Variants in ZNF507 observed in about 807,000 individuals in gnomAD.
ZNF507 encodes the protein zinc finger protein 507.
A neutral mutation model predicts 80.0 loss-of-function variants in ZNF507; 29 were observed. The ratio of observed to expected loss-of-function variants is 0.36; its 90% CI spans 0.27 to 0.49. ZNF507 has a LOEUF of 0.49. ZNF507 is among the 20% of genes least tolerant of loss of function. The pLI, the probability that ZNF507 is intolerant of heterozygous loss-of-function variation, is 0.98. For synonymous variants in ZNF507, 462 were observed against 422.5 expected, an observed-to-expected ratio of 1.09 and a Z score of -1.15; for missense variants, 1,081 against 1,152.2, an observed-to-expected ratio of 0.94 and a Z score of 0.90.
intron 1 of ZNF507, among the ~76,000 whole-genome samples, chr19:32,346,075 C>T (rs1436004412): frequency 1.3e-5 from 2 of 152,358 alleles, no homozygotes; most frequent in East Asian, 1.9e-4. Flanking sequence ...GGCGTTGCTT[C>T]TTTCTGCAAA....
rs201355263 is a variant in ZNF507, at chr19:32,354,149, A to C, written c.1319A>C (p.Asp440Ala). 1.2e-6 allele frequency: 2 copies of C among 1,613,208 alleles called. No individual in the cohort carries two copies. Among genetic ancestry groups the C allele is most frequent in the Non-Finnish European group, 1.7e-6 (2 of 1,180,024 alleles). ...CAGATTGGGCGCGAAGGAATGGATGATGTTTATCGTGCTGATAAATGTACT... is the reference window on the plus strand; with the variant it reads ...CAGATTGGGCGCGAAGGAATGGATGCTGTTTATCGTGCTGATAAATGTACT... ...EAQIGREGMDDVYRADKCTVD... is the reference protein window; with the variant it reads ...EAQIGREGMDAVYRADKCTVD... Residue 440 changes from aspartate (D) to alanine (A), a missense_variant, in exon 3 of 7, where the codon GAT (aspartate) becomes GCT (alanine). Around this residue, in one of 6 missense-constraint regions of ZNF507, gnomAD observed 614 missense variants for 583.9 expected, o/e 1.05. Coordinates refer to ENST00000355898, the MANE Select transcript of ZNF507 (RefSeq NM_001136156.2).
chr19:32,359,580 T>A (rs1211302188), intron 4 of ZNF507: 3 of 152,204 alleles, frequency 2.0e-5, no homozygotes, highest in Non-Finnish European at 4.4e-5. Context: ...AGAAATCGTT[T>A]TATATGATCA....
chr19:32,353,455 G>T lies in ZNF507; in HGVS notation c.625G>T (p.Glu209Ter). Reference sequence around the variant, plus strand: ...GTGTCGGAAAACCACAGAAAGAAATGAAACCATTCCAGATATCCCAGTAAG... The same window carrying T: ...GTGTCGGAAAACCACAGAAAGAAATTAAACCATTCCAGATATCCCAGTAAG... The part of the protein sequence containing the change: ...SLCRKTTERN[E>*]TIPDIPVSVD... Residue 209 changes from glutamate to a stop codon, truncating the protein, a stop_gained, in exon 3 of 7, where the codon GAA becomes TAA. Coordinates refer to ENST00000355898, the MANE Select transcript of ZNF507 (RefSeq NM_001136156.2). LOFTEE classifies it high-confidence loss of function. 6.2e-7 allele frequency: 1 copy of T among 1,614,194 alleles called. No individual in the cohort carries two copies. Among genetic ancestry groups the T allele is most frequent in the South Asian group, 1.1e-5 (1 of 91,084 alleles).
At position 32,386,103 on chromosome 19, in the gene ZNF507, G is replaced by A. The variant is rs908764000; in HGVS notation, c.*3020G>A. The A allele has an allele frequency of 2.6e-5, 4 of 152,120 alleles. No individual in the cohort carries two copies. The highest frequency in any genetic ancestry group is 5.9e-5 in the Non-Finnish European group (4 of 68,008). 9.4% of individuals were successfully genotyped at this position (152,120 alleles called of 1,614,324 possible). ...TCCAGAATATGGCGGGTGTCCCAGT[G>A]TTCAACAGTATCATGCTAATATTCC... On this transcript the variant is annotated 3_prime_UTR_variant, in exon 7 of 7. Coordinates refer to ENST00000355898, the MANE Select transcript of ZNF507 (RefSeq NM_001136156.2).
At chr19:32,382,631 CTA>C (rs760028032) in intron 6 of ZNF507, 30 bp downstream of exon 6, 20 of 1,613,406 alleles carry the variant, frequency 1.2e-5, no homozygotes, top group Non-Finnish European at 1.6e-5. Context: ...CCCTTTATTG[CTA>C]TATGTAAATT....
Position 32,353,958 on chromosome 19 carries a change from C to T in ZNF507, c.1128C>T (p.Ser376=). ...SDAEENLIPD[S]LLTSAQKIIS... ...CAGAGGAGAATCTGATTCCTGATAG[C>T]CTGCTTACATCAGCACAGAAAATCA... Residue 376 remains serine, a synonymous_variant, in exon 3 of 7, where the codon AGC becomes AGT. Transcript: ENST00000355898. The T allele has an allele frequency of 6.2e-7, 1 of 1,614,120 alleles. No individual in the cohort carries two copies. The highest frequency in any genetic ancestry group is 1.1e-5 in the South Asian group (1 of 91,080).
intron 5 of ZNF507, among the ~76,000 whole-genome samples, chr19:32,365,294 T>C (rs1357399472): frequency 6.6e-6 from 1 of 152,224 alleles, no homozygotes; most frequent in African/African-American, 2.4e-5. Flanking sequence ...CTGGGTTGTC[T>C]GTGTACTCTG....
At chr19:32,376,277 A>G (rs1292755007) in intron 5 of ZNF507, among the ~76,000 whole-genome samples, 1 of 151,950 alleles carries the variant, frequency 6.6e-6, no homozygotes, top group African/African-American at 2.4e-5. Context: ...TTTTTTTCCT[A>G]TATATTTCTA....
rs1278397128 is a variant in ZNF507, at chr19:32,354,000, TAAA to T, written c.1174_1176del (p.Lys392del). 1 of 1,613,948 alleles carries T rather than the reference TAAA, an allele frequency of 6.2e-7. No homozygotes were observed. ...AGAAAATCATCAGCAGCAGCCCCAA[TAAA>T]AAAGGGCATGTTAACGTGATAGTGG... On this transcript the variant is annotated inframe_deletion, in exon 3 of 7. Coordinates refer to ENST00000355898, the MANE Select transcript of ZNF507 (RefSeq NM_001136156.2).
Position 32,387,521 on chromosome 19 carries a change from C to G in ZNF507, c.*4438C>G, listed in dbSNP as rs1967704898. On this transcript the variant is annotated 3_prime_UTR_variant, in exon 7 of 7. Coordinates refer to ENST00000355898, the MANE Select transcript of ZNF507 (RefSeq NM_001136156.2). ...GCATGGAAGCTCTAGAACGTATGGT[C>G]CAGTGTGGCAGCCACTATAATATCT... The G allele has an allele frequency of 6.6e-6, 1 of 152,154 alleles. No homozygotes were observed. Among genetic ancestry groups the G allele is most frequent in the Non-Finnish European group, 1.5e-5 (1 of 68,040 alleles). 9.4% of individuals were successfully genotyped at this position (152,154 alleles called of 1,614,324 possible).
At chr19:32,360,945 G>C (rs1967314554) in intron 5 of ZNF507, among the ~76,000 whole-genome samples, 1 of 152,124 alleles carries the variant, frequency 6.6e-6, no homozygotes, top group South Asian at 2.1e-4. Flanking sequence ...CTGGTATTAT[G>C]TCTTGTTTGA....
chr19:32,375,579 G>GA (rs1967535947), intron 5 of ZNF507, among the ~76,000 whole-genome samples: 1 of 152,190 alleles, frequency 6.6e-6, no homozygotes, highest in South Asian at 2.1e-4. Flanking sequence ...AACCAAATAT[G>GA]AAATGTAGAT....
rs987117203 is a variant in ZNF507 at position 32,385,827 on chromosome 19, C to CA, written c.*2754dup. 6 of 148,464 alleles carry CA rather than the reference C, an allele frequency of 4.0e-5. No homozygotes were observed. The highest frequency in any genetic ancestry group is 6.0e-5 in the Non-Finnish European group (4 of 66,874). 9.2% of individuals were successfully genotyped at this position (148,464 alleles called of 1,614,324 possible). ...GAGGTCCTCTGTTTACCTCCCCCCC[C>CA]AAAAAAAAAATTCAGTAGGAATTCC... On this transcript the variant is annotated 3_prime_UTR_variant, in exon 7 of 7. Transcript: ENST00000355898.
Position 32,353,178 on chromosome 19 carries a change from C to G in ZNF507, c.348C>G (p.Ala116=). The G allele has an allele frequency of 6.2e-7, 1 of 1,614,124 alleles. No individual in the cohort carries two copies. Among genetic ancestry groups the G allele is most frequent in the Non-Finnish European group, 8.5e-7 (1 of 1,180,026 alleles). The change falls in exon 3 of 7, where the codon GCC becomes GCG. Residue 116 remains alanine (A), a synonymous_variant. Transcript: ENST00000355898. ...SQTNFTPDTL[A]QNEGKAMSYQ... ...CAAATTTTACCCCTGACACTCTTGC[C>G]CAGAATGAAGGGAAGGCTATGTCTT...
At position 32,352,821 on chromosome 19, in the gene ZNF507, C is replaced by G. The variant is rs777777496; in HGVS notation, c.-2-8C>G. 1 of 1,553,572 alleles carries G rather than the reference C, an allele frequency of 6.4e-7. No homozygotes were observed. On this transcript the variant is annotated splice_polypyrimidine_tract_variant and splice_region_variant and intron_variant, in intron 2 of 6. Transcript: ENST00000355898. The stretch of plus-strand genomic sequence containing the variant: ...TGGTATTTTTCTGTTTTACATTATC[C>G]TTTTTAGATATGGAAGAAAGTAGCA...
chr19:32,367,629 AC>A (rs1203282258), intron 5 of ZNF507, among the ~76,000 whole-genome samples: 2 of 152,220 alleles, frequency 1.3e-5, no homozygotes, highest in Non-Finnish European at 2.9e-5. Context: ...AGTAAGGTAG[AC>A]GATGATACAG....
intron 2 of ZNF507, among the ~76,000 whole-genome samples, chr19:32,351,395 C>T (rs928415182): frequency 1.4e-5 from 2 of 141,106 alleles, no homozygotes; most frequent in East Asian, 2.1e-4. Flanking sequence ...GAGTTGTGGG[C>T]GACCTGGCAC....
Position 32,354,108 on chromosome 19 carries a change from G to C in ZNF507, c.1278G>C (p.Leu426=). The C allele has an allele frequency of 6.2e-7, 1 of 1,613,664 alleles. No homozygotes were observed. The highest frequency in any genetic ancestry group is 1.1e-5 in the South Asian group (1 of 91,074). ...MNTEMEEGKD[L]SLTEAQIGRE... is the part of the protein sequence containing the mutation. ...CTGAAATGGAAGAAGGGAAGGACCT[G>C]AGCCTGACAGAAGCTCAGATTGGGC... Residue 426 remains leucine, a synonymous_variant, in exon 3 of 7, where the codon CTG becomes CTC. Transcript: ENST00000355898.
chr19:32,375,215 G>A (rs901561266), intron 5 of ZNF507, among the ~76,000 whole-genome samples: 3 of 152,182 alleles, frequency 2.0e-5, no homozygotes, highest in African/African-American at 7.2e-5. Flanking sequence ...ACATTACTGC[G>A]TTTGTCACAA....
Sources: gnomAD v4.1 joint callset for allele counts (sites outside exome capture counted in the v4.1 genomes callset) on GRCh38, gnomAD v4.1.1 for gene constraint, gnomAD v4.1.1 regional missense constraint, MANE v1.5 for transcripts, NCBI Gene and HGNC (gene_info 2026-07-23, HGNC 2026-07-21) for gene names.